Variants in GRIK2 observed in about 807,000 individuals in gnomAD.
The protein encoded by GRIK2 is glutamate ionotropic receptor kainate type subunit 2.
GRIK2 carries 32 observed loss-of-function variants against 100.3 expected under a neutral mutation model. That is an observed-to-expected ratio of 0.32 (90% confidence interval 0.24 to 0.43). GRIK2 has a LOEUF of 0.43. Among genes scored for constraint, GRIK2 ranks in the 20% least tolerant of loss-of-function variants. The pLI, the probability that GRIK2 is intolerant of heterozygous loss-of-function variation, is 1.00. For synonymous variants in GRIK2, 417 were observed against 389.4 expected (o/e 1.07, Z -0.83); for missense variants, 843 against 1,114.9 (o/e 0.76, Z 3.47).
In GRIK2 at chr6:101,639,676, A is replaced by G. The variant is rs115791330; in HGVS notation, c.541+13039A>G. Among the ~76,000 whole-genome samples, 212 of 152,246 alleles carry G rather than the reference A, an allele frequency of 1.4e-3. 1 individual carries two copies. Among genetic ancestry groups the G allele is most frequent in the African/African-American group, 5.0e-3 (207 of 41,554 alleles). ...CCTAATATTTGCTACTCAACATTCT[A>G]TAAACTTTACTTTGTTTTAAATATA... On this transcript the variant is annotated intron_variant, in intron 4 of 16. Coordinates refer to ENST00000369134, the MANE Select transcript of GRIK2 (RefSeq NM_021956.5).
intron 4 of GRIK2, among the ~76,000 whole-genome samples, chr6:101,645,709 A>AT (rs1340054205): frequency 6.6e-6 from 1 of 151,804 alleles, no homozygotes; most frequent in African/African-American, 2.4e-5. Context: ...TATAGATCTG[A>AT]TTTTACAAGT....
At chr6:101,866,784 C>A (rs915695693) in intron 11 of GRIK2, among the ~76,000 whole-genome samples, 2 of 150,986 alleles carry the variant, frequency 1.3e-5, no homozygotes, top group African/African-American at 2.5e-5. Context: ...ATTTCCCCTT[C>A]TTTGAATTCC....
At chr6:101,433,017 G>A (rs560420483) in intron 2 of GRIK2, among the ~76,000 whole-genome samples, 1 of 152,236 alleles carries the variant, frequency 6.6e-6, no homozygotes, top group East Asian at 1.9e-4. Flanking sequence ...AGACTCAGAG[G>A]TCGAGTGTTT....
intron 7 of GRIK2, among the ~76,000 whole-genome samples, chr6:101,736,189 A>G (rs1056476903): frequency 6.6e-6 from 1 of 152,124 alleles, no homozygotes; most frequent in Non-Finnish European, 1.5e-5. Context: ...GACTGCTTTC[A>G]TGGGCTGGTG....
intron 16 of GRIK2, among the ~76,000 whole-genome samples, chr6:102,067,068 A>C (rs185362374): frequency 6.6e-6 from 1 of 151,860 alleles, no homozygotes; most frequent in Admixed American, 6.6e-5. Context: ...ATACCTAATT[A>C]ATTCAAAGTA....
chr6:101,634,392 G>T (rs1199593183), intron 4 of GRIK2, among the ~76,000 whole-genome samples: 1 of 152,036 alleles, frequency 6.6e-6, no homozygotes, highest in Non-Finnish European at 1.5e-5. Context: ...AGAGAAGACG[G>T]TGTCTGCTTC....
chr6:101,798,152 A>G (rs562246055), intron 7 of GRIK2, among the ~76,000 whole-genome samples: 5 of 152,080 alleles, frequency 3.3e-5, no homozygotes, highest in South Asian at 2.1e-4. Flanking sequence ...TAAAATAAAC[A>G]TAAATATTTT....
intron 4 of GRIK2, among the ~76,000 whole-genome samples, chr6:101,635,669 C>G (rs1055750052): frequency 1.3e-5 from 2 of 151,980 alleles, no homozygotes; most frequent in African/African-American, 4.8e-5. Flanking sequence ...GAAGAAAAAA[C>G]CCTATCAAAA....
chr6:101,660,008 A>C (rs1242019023), intron 4 of GRIK2, among the ~76,000 whole-genome samples: 1 of 152,042 alleles, frequency 6.6e-6, no homozygotes, highest in African/African-American at 2.4e-5. Flanking sequence ...CTGAATTTGA[A>C]TGTTGGCCTC....
intron 2 of GRIK2, among the ~76,000 whole-genome samples, chr6:101,617,565 A>T (rs940218184): frequency 6.6e-6 from 1 of 151,820 alleles, no homozygotes; most frequent in Non-Finnish European, 1.5e-5. Flanking sequence ...TTTCAGTGGT[A>T]GAAGATTCAG....
chr6:101,428,359 A>G (rs915436592), intron 2 of GRIK2, among the ~76,000 whole-genome samples: 1 of 152,188 alleles, frequency 6.6e-6, no homozygotes, highest in Non-Finnish European at 1.5e-5. Context: ...TACTGGTTAC[A>G]GATATTTTTA....
chr6:101,935,945 A>G (rs564730046), intron 14 of GRIK2, among the ~76,000 whole-genome samples: 1 of 152,212 alleles, frequency 6.6e-6, no homozygotes, highest in Admixed American at 6.6e-5. Context: ...TAAGCCAAAA[A>G]CTATTCTTGC....
intron 10 of GRIK2, among the ~76,000 whole-genome samples, chr6:101,850,742 A>G (rs1283804619): frequency 6.6e-6 from 1 of 152,056 alleles, no homozygotes; most frequent in Non-Finnish European, 1.5e-5. Flanking sequence ...ACAAATCCTT[A>G]TTACAGATGC....
chr6:101,445,909 A>G (rs1345255228), intron 2 of GRIK2, among the ~76,000 whole-genome samples: 1 of 152,044 alleles, frequency 6.6e-6, no homozygotes, highest in African/African-American at 2.4e-5. Flanking sequence ...TAGTGAGATA[A>G]TGTGTGTTAA....
chr6:101,521,098 C>A (rs538317936), intron 2 of GRIK2, among the ~76,000 whole-genome samples: 129 of 152,152 alleles, frequency 8.5e-4, no homozygotes, highest in Non-Finnish European at 1.6e-3. Context: ...AAAATTAGAA[C>A]TTCCAGATTA....
chr6:101,753,196 T>C (rs1360200702), intron 7 of GRIK2, among the ~76,000 whole-genome samples: 1 of 145,398 alleles, frequency 6.9e-6, no homozygotes, highest in Non-Finnish European at 1.5e-5. Context: ...GGCAGGAGAA[T>C]GGCGTGAACC....
chr6:101,795,013 A>G (rs1329881995), intron 7 of GRIK2, among the ~76,000 whole-genome samples: 2 of 151,796 alleles, frequency 1.3e-5, no homozygotes, highest in African/African-American at 4.8e-5. Flanking sequence ...TTACAGGCCC[A>G]CAGCTACCAT....
chr6:101,899,019 C>A (rs1787666032), intron 12 of GRIK2, among the ~76,000 whole-genome samples: 2 of 151,372 alleles, frequency 1.3e-5, no homozygotes, highest in South Asian at 4.2e-4. Context: ...TACATAATTA[C>A]ATCATTCAAG....
At chr6:101,812,165 T>C (rs1203659632) in intron 9 of GRIK2, among the ~76,000 whole-genome samples, 1 of 151,546 alleles carries the variant, frequency 6.6e-6, no homozygotes, top group Non-Finnish European at 1.5e-5. Context: ...AGATAAAATA[T>C]GGAAAACAAA....
Sources: allele counts gnomAD v4.1 joint callset (sites outside exome capture counted in the v4.1 genomes callset), GRCh38; gene constraint gnomAD v4.1.1; transcripts MANE v1.5; gene names NCBI Gene and HGNC (gene_info 2026-07-23, HGNC 2026-07-21).